The following MYH9 variants were observed in gnomAD, a reference collection of about 807,000 sequenced individuals.
The protein encoded by MYH9 is myosin-9.
In MYH9, 29 loss-of-function variants were observed where a neutral mutation model predicts 241.9. That is an observed-to-expected ratio of 0.12 (90% CI 0.09 to 0.16). The LOEUF is 0.16. Among genes scored for constraint, MYH9 ranks in the 10% least tolerant of loss-of-function variants. MYH9 has a pLI of 1.00. For missense variants in MYH9, 1,803 were observed against 2,595.5 expected, an observed-to-expected ratio of 0.69 and a Z score of 6.63; for synonymous variants, 1,047 against 1,062.6, an observed-to-expected ratio of 0.99 and a Z score of 0.29.
chr22:36,302,708 C>T (rs1284600168), intron 19 of MYH9, 32 bp from the exon 20 acceptor site: 31 of 1,581,248 alleles, frequency 2.0e-5, no homozygotes, highest in Non-Finnish European at 2.6e-5. Context: ...CAGCGCGGAG[C>T]AGTGGACAGC....
intron 1 of MYH9, among the ~76,000 whole-genome samples, chr22:36,366,308 G>A (rs1027614112): frequency 6.6e-6 from 1 of 151,996 alleles, no homozygotes; most frequent in African/African-American, 2.4e-5. Context: ...AGGAAGGAGA[G>A]GAACGATCTG....
chr22:36,295,142 T>C lies in MYH9; in HGVS notation c.3486-66A>G, dbSNP rs1181998574. 1 of 1,609,972 alleles carries C rather than the reference T, an allele frequency of 6.2e-7. No homozygotes were observed. Among genetic ancestry groups the C allele is most frequent in the African/African-American group, 1.3e-5 (1 of 74,972 alleles). ...TGGAGCGAGGCTGTCCCTGGGGCTC[T>C]TCCCTGACCAAAGAGAGGCCTGGCC... On this transcript the variant is annotated intron_variant, in intron 26 of 40. Coordinates refer to ENST00000216181, the MANE Select transcript of MYH9 (RefSeq NM_002473.6). This position sits in a 1 kb window ranked among gnomAD's most constrained non-coding sequence, Gnocchi z 4.1.
intron 3 of MYH9, among the ~76,000 whole-genome samples, chr22:36,335,341 C>T (rs1177489931): frequency 6.6e-6 from 1 of 152,244 alleles, no homozygotes; most frequent in South Asian, 2.1e-4. Context: ...TCCACAGGCA[C>T]ATTTAGGCAC....
chr22:36,372,382 G>A (rs1228551214), intron 1 of MYH9, among the ~76,000 whole-genome samples: 1 of 151,816 alleles, frequency 6.6e-6, no homozygotes, highest in African/African-American at 2.4e-5. Context: ...ACAGCTACTT[G>A]GGAGGCTGAG....
intron 2 of MYH9, among the ~76,000 whole-genome samples, chr22:36,343,182 A>G (rs954691570): frequency 6.6e-6 from 1 of 152,110 alleles, no homozygotes; most frequent in Non-Finnish European, 1.5e-5. Context: ...GGAATTTCCA[A>G]GCAGCAATTG....
chr22:36,360,114 G>C (rs2017916051), intron 1 of MYH9, among the ~76,000 whole-genome samples: 1 of 141,336 alleles, frequency 7.1e-6, no homozygotes, highest in South Asian at 2.2e-4. Flanking sequence ...TCCCAGTGGA[G>C]AATGGCATGA....
At chr22:36,322,554 G>A (rs1261961797) in intron 5 of MYH9, 33 bp from the exon 6 acceptor site, 1 of 1,608,560 alleles carries the variant, frequency 6.2e-7, no homozygotes, top group Non-Finnish European at 8.5e-7. Flanking sequence ...GTGAAGGCCG[G>A]GCAGCGACCT....
intron 1 of MYH9, among the ~76,000 whole-genome samples, chr22:36,368,661 T>G (rs1603484459): frequency 6.6e-6 from 1 of 152,112 alleles, no homozygotes; most frequent in African/African-American, 2.4e-5. Flanking sequence ...AAGATAACAG[T>G]GCTGGGAGGT....
chr22:36,362,314 C>T (rs1354581006), intron 1 of MYH9, among the ~76,000 whole-genome samples: 1 of 152,174 alleles, frequency 6.6e-6, no homozygotes, highest in African/African-American at 2.4e-5. Context: ...CTGGAATCAC[C>T]GTCCTACGAC....
chr22:36,290,619 T>C (rs917653510), intron 31 of MYH9, among the ~76,000 whole-genome samples: 2 of 150,366 alleles, frequency 1.3e-5, no homozygotes, highest in African/African-American at 4.9e-5. Flanking sequence ...TCGTCTGGGA[T>C]GTGAGGAGCC....
At chr22:36,356,577 T>C (rs965088847) in intron 1 of MYH9, among the ~76,000 whole-genome samples, 2 of 79,686 alleles carry the variant, frequency 2.5e-5, no homozygotes, top group African/African-American at 5.8e-5. Context: ...TGAGACTCCA[T>C]CTCAAAAAAA....
In MYH9 at chr22:36,285,900, C is replaced by T. The variant is rs748923632; in HGVS notation, c.5115G>A (p.Glu1705=). The change falls in exon 36 of 41, where the codon GAG becomes GAA. Residue 1705 remains glutamate (E), a synonymous_variant. Coordinates refer to ENST00000216181, the MANE Select transcript of MYH9 (RefSeq NM_002473.6). This position sits in a 1 kb window ranked among gnomAD's most constrained non-coding sequence, Gnocchi z 7.0. ...TGCTGTTGGCGATCTCGTCAGCCAG[C>T]TCATCCCGCTCCTGCTGGGCCTGGC... ...AKRQAQQERD[E]LADEIANSSG... 7.4e-6 allele frequency: 12 copies of T among 1,613,210 alleles called. No homozygotes were observed. The African/African-American group carries it at 1.3e-4, about 18-fold the overall frequency.
chr22:36,333,541 G>T (rs2017454431), intron 3 of MYH9, among the ~76,000 whole-genome samples: 1 of 152,212 alleles, frequency 6.6e-6, no homozygotes. Context: ...AGTTTATGGA[G>T]TTTATGATCA....
intron 6 of MYH9, 152 bp downstream of exon 6, chr22:36,322,277 C>A: frequency 1.2e-6 from 1 of 835,354 alleles, no homozygotes; most frequent in Non-Finnish European, 2.0e-6. Flanking sequence ...AACTGGCATT[C>A]GGTCTGGCCT....
rs913749087 is a variant in MYH9 at position 36,348,916 on chromosome 22, T to C, written c.321A>G (p.Ser107=). 3 of 1,561,904 alleles carry C rather than the reference T, an allele frequency of 1.9e-6. No homozygotes were observed. Among genetic ancestry groups the C allele is most frequent in the South Asian group, 2.2e-5 (2 of 90,050 alleles). ...VLHNLKERYY[S]GLIYTYSGLF... ...GGCAGCCACTTACGTAGATGAGCCC[T>C]GAGTAGTAACGCTCCTTGAGGTTGT... Residue 107 remains serine (S), a synonymous_variant, in exon 2 of 41, where the codon TCA becomes TCG. Transcript: ENST00000216181.
In MYH9 at chr22:36,341,397, C is replaced by T. The variant is rs2017587536; in HGVS notation, c.463G>A (p.Asp155Asn). The T allele has an allele frequency of 1.2e-6, 2 of 1,613,976 alleles. No individual in the cohort carries two copies. Among genetic ancestry groups the T allele is most frequent in the Non-Finnish European group, 1.7e-6 (2 of 1,179,972 alleles). ...EMPPHIYAIT[D>N]TAYRSMMQDR... ...TGCATCATACTCCTGTAGGCGGTGT[C>T]TGTGATGGCATAGATGTGAGGGGGC... The change falls in exon 3 of 41, where the codon GAC becomes AAC. Residue 155 changes from aspartate to asparagine, a missense_variant. Physicochemically the swap from Asp to Asn is conservative, Grantham distance 23. This residue lies in a region of MYH9 where 72 missense variants were observed against 134.3 expected (regional missense o/e 0.54). Transcript: ENST00000216181.
At chr22:36,357,145 G>A (rs573107365) in intron 1 of MYH9, among the ~76,000 whole-genome samples, 2 of 152,214 alleles carry the variant, frequency 1.3e-5, no homozygotes, top group South Asian at 2.1e-4. Flanking sequence ...CTGACTCAGC[G>A]AAGAAGAGGA....
intron 3 of MYH9, among the ~76,000 whole-genome samples, chr22:36,333,497 GTC>G (rs1349916675): frequency 6.6e-5 from 10 of 152,186 alleles, no homozygotes; most frequent in South Asian, 2.1e-4. Context: ...CATCAGTACT[GTC>G]TGTTTGCCAA....
chr22:36,372,727 A>G (rs1213727671), intron 1 of MYH9, among the ~76,000 whole-genome samples: 1 of 152,044 alleles, frequency 6.6e-6, no homozygotes, highest in Non-Finnish European at 1.5e-5. Context: ...AGCGGTGGCC[A>G]CTGTGACCAC....
Sources: allele counts gnomAD v4.1 joint callset (sites outside exome capture counted in the v4.1 genomes callset), GRCh38; gene constraint gnomAD v4.1.1; regional missense constraint gnomAD v4.1.1; non-coding constraint Gnocchi (gnomAD v3.1); transcripts MANE v1.5; gene names NCBI Gene and HGNC (gene_info 2026-07-23, HGNC 2026-07-21).